The following CIPC variants were observed in gnomAD, a reference collection of about 807,000 sequenced individuals.
The protein encoded by CIPC is CLOCK interacting pacemaker, also known as CLOCK-interacting pacemaker.
In CIPC, 12 loss-of-function variants were observed where a neutral mutation model predicts 26.7. The observed-to-expected ratio is 0.45, with a 90% CI of 0.29 to 0.73. The LOEUF is 0.73. Among genes scored for constraint, CIPC ranks in the 30% least tolerant of loss-of-function variants. The pLI is 0.12. For missense variants in CIPC, 417 were observed against 486.5 expected, an observed-to-expected ratio of 0.86 and a Z score of 1.34; for synonymous variants, 170 against 189.8, an observed-to-expected ratio of 0.90 and a Z score of 0.86.
chr14:77,109,065 G>A (rs971213916), intron 2 of CIPC, among the ~76,000 whole-genome samples: 2 of 152,048 alleles, frequency 1.3e-5, no homozygotes, highest in African/African-American at 4.8e-5. Context: ...GTGCAGAATG[G>A]CATTTAGAAA....
intron 3 of CIPC, among the ~76,000 whole-genome samples, chr14:77,111,808 A>G (rs1886707246): frequency 6.6e-6 from 1 of 152,218 alleles, no homozygotes; most frequent in South Asian, 2.1e-4. Flanking sequence ...TGGGAAAACA[A>G]TGCATTAGAT....
At chr14:77,111,192 CTG>C (rs1318552078) in intron 3 of CIPC, among the ~76,000 whole-genome samples, 2 of 152,146 alleles carry the variant, frequency 1.3e-5, no homozygotes, top group Non-Finnish European at 2.9e-5. Flanking sequence ...TTTCTTGTGT[CTG>C]TGTTTATATC....
chr14:77,108,124 A>G (rs1242915111), intron 2 of CIPC, among the ~76,000 whole-genome samples: 2 of 152,118 alleles, frequency 1.3e-5, no homozygotes, highest in African/African-American at 2.4e-5. Context: ...CCAGAATACT[A>G]TGTTGTTGAT....
intron 1 of CIPC, among the ~76,000 whole-genome samples, chr14:77,102,687 A>G (rs1886513732): frequency 6.6e-6 from 1 of 152,204 alleles, no homozygotes; most frequent in Non-Finnish European, 1.5e-5. Context: ...GTGAAACTTC[A>G]AGAACCTAAG....
Position 77,113,448 on chromosome 14 carries a change from G to T in CIPC, c.330G>T (p.Gln110His). Residue 110 changes from glutamine to histidine, a missense_variant, in exon 4 of 4, where the codon CAG becomes CAT. Transcript: ENST00000361786. ...VKQGSSSSQL[Q>H]SWTVQPSFEV... ...AGGGCAGCAGCTCATCCCAGCTCCA[G>T]TCGTGGACTGTCCAGCCCTCCTTTG... 6.2e-7 allele frequency: 1 copy of T among 1,614,124 alleles called. No individual in the cohort carries two copies. Among genetic ancestry groups the T allele is most frequent in the East Asian group, 2.2e-5 (1 of 44,878 alleles).
At chr14:77,105,621 C>T (rs1886576093) in intron 1 of CIPC, 36 bp from the exon 2 acceptor site, 3 of 1,433,920 alleles carry the variant, frequency 2.1e-6, no homozygotes, top group Non-Finnish European at 2.9e-6. Flanking sequence ...TTTCAGCTCT[C>T]CAGGCAGTGA....
intron 1 of CIPC, among the ~76,000 whole-genome samples, chr14:77,102,431 T>C (rs752429744): frequency 5.9e-5 from 9 of 152,194 alleles, no homozygotes; most frequent in Non-Finnish European, 1.2e-4. Context: ...GGGAGTATTA[T>C]TTTCTGAGCC....
intron 1 of CIPC, among the ~76,000 whole-genome samples, chr14:77,102,212 T>C (rs77078589): frequency 0.087 from 13,190 of 152,226 alleles, 630 homozygotes; most frequent in Admixed American, 0.15. Context: ...TCCTCTCTGT[T>C]ATAGGGCAGG....
Position 77,114,535 on chromosome 14 carries a change from G to A in CIPC, c.*217G>A. On this transcript the variant is annotated 3_prime_UTR_variant, in exon 4 of 4. Coordinates refer to ENST00000361786, the MANE Select transcript of CIPC (RefSeq NM_033426.3). ...CCCGTCCCACTGAGGACCTCAGTTTGGGAGTGCCCTTGAGCCCCTTTTCCT... is the reference window on the plus strand; with the variant it reads ...CCCGTCCCACTGAGGACCTCAGTTTAGGAGTGCCCTTGAGCCCCTTTTCCT... The A allele has an allele frequency of 1.9e-6, 1 of 534,112 alleles. No individual in the cohort carries two copies. The highest frequency in any genetic ancestry group is 3.3e-6 in the Non-Finnish European group (1 of 303,158). The allele number at this position is 534,112 out of a possible 1,614,324, so 33.1% of individuals were successfully genotyped here.
chr14:77,107,233 A>G (rs945679951), intron 2 of CIPC, among the ~76,000 whole-genome samples: 1 of 152,244 alleles, frequency 6.6e-6, no homozygotes, highest in Non-Finnish European at 1.5e-5. Context: ...GAAAAACATT[A>G]TCCATAATCT....
intron 3 of CIPC, 163 bp from the exon 4 acceptor site, chr14:77,113,262 G>A: frequency 2.7e-6 from 2 of 745,924 alleles, no homozygotes; most frequent in South Asian, 3.1e-5. Context: ...AAGTATTTGT[G>A]ATATCAGACA....
chr14:77,117,134 CTT>C lies in CIPC; in HGVS notation c.*2819_*2820del, dbSNP rs776561829. Reference sequence around the variant, plus strand: ...TATGGTTCCTTTAGCAGAAAAGTAACTTTTGTGCATATATTGAAGTGGTTTTT... The same window carrying C: ...TATGGTTCCTTTAGCAGAAAAGTAACTTGTGCATATATTGAAGTGGTTTTT... On this transcript the variant is annotated 3_prime_UTR_variant, in exon 4 of 4. Coordinates refer to ENST00000361786, the MANE Select transcript of CIPC (RefSeq NM_033426.3). 1.3e-5 allele frequency: 2 copies of C among 152,550 alleles called. No homozygotes were observed. Among genetic ancestry groups the C allele is most frequent in the Non-Finnish European group, 2.9e-5 (2 of 68,026 alleles). 9.4% of individuals were successfully genotyped at this position (152,550 alleles called of 1,614,324 possible). A position where few individuals can be genotyped will look rare whatever the true frequency, so the allele number is the denominator to read the frequency against.
chr14:77,101,076 C>T (rs79939766), intron 1 of CIPC, among the ~76,000 whole-genome samples: 28,423 of 152,098 alleles, frequency 0.19, 3,046 homozygotes, highest in Admixed American at 0.29. Context: ...AAGCAGGAAG[C>T]AGAAAGAACA....
intron 1 of CIPC, among the ~76,000 whole-genome samples, chr14:77,103,577 C>A (rs910637700): frequency 4.6e-5 from 7 of 152,188 alleles, no homozygotes; most frequent in African/African-American, 1.7e-4. Context: ...CTTACAGTTG[C>A]CATTCCTTGG....
chr14:77,099,393 G>A (rs1241184078), intron 1 of CIPC, among the ~76,000 whole-genome samples: 6 of 152,192 alleles, frequency 3.9e-5, no homozygotes. Flanking sequence ...AATGTGGAAG[G>A]GAAGATGAAT....
chr14:77,102,566 A>G (rs1339537697), intron 1 of CIPC, among the ~76,000 whole-genome samples: 1 of 152,202 alleles, frequency 6.6e-6, no homozygotes, highest in East Asian at 1.9e-4. Flanking sequence ...ACTACACTTT[A>G]ATAATAATAG....
At chr14:77,111,185 C>T (rs1349352681) in intron 3 of CIPC, among the ~76,000 whole-genome samples, 5 of 152,182 alleles carry the variant, frequency 3.3e-5, no homozygotes, top group Non-Finnish European at 5.9e-5. Context: ...TTGTCCCTTT[C>T]TTGTGTCTGT....
At chr14:77,106,021 A>G (rs1352162233) in intron 2 of CIPC, 177 bp downstream of exon 2, 2 of 567,806 alleles carry the variant, frequency 3.5e-6, no homozygotes, top group Non-Finnish European at 5.7e-6. Flanking sequence ...CAAAGTCACC[A>G]CAGGGTTAGT....
intron 1 of CIPC, among the ~76,000 whole-genome samples, chr14:77,102,565 T>A (rs1239234652): frequency 6.6e-6 from 1 of 152,206 alleles, no homozygotes; most frequent in African/African-American, 2.4e-5. Flanking sequence ...GACTACACTT[T>A]AATAATAATA....
Sources: gnomAD v4.1 joint callset for allele counts (sites outside exome capture counted in the v4.1 genomes callset) on GRCh38, gnomAD v4.1.1 for gene constraint, MANE v1.5 for transcripts, NCBI Gene and HGNC (gene_info 2026-07-23, HGNC 2026-07-21) for gene names.